Variants in PPP1R42 observed in about 807,000 individuals in gnomAD.
PPP1R42 encodes the protein protein phosphatase 1 regulatory subunit 42, also known as leucine rich repeat containing 67.
A neutral mutation model predicts 31.0 loss-of-function variants in PPP1R42; 34 were observed. The observed-to-expected ratio is 1.10, with a 90% CI of 0.83 to 1.46. The LOEUF is 1.46. PPP1R42 is among the 40% of genes most tolerant of loss of function. The pLI, the probability that PPP1R42 is intolerant of heterozygous loss-of-function variation, is 0.00. For missense variants in PPP1R42, 268 were observed against 303.0 expected (o/e 0.88, Z 0.86); for synonymous variants, 103 against 109.8 (o/e 0.94, Z 0.39).
chr8:66,985,910 G>A (rs778765161), intron 6 of PPP1R42: 8 of 894,954 alleles, frequency 8.9e-6, no homozygotes, highest in Non-Finnish European at 1.3e-5. Context: ...CTTTACTCCT[G>A]ATGATTCCTT....
At position 66,991,417 on chromosome 8, in the gene PPP1R42, A is replaced by G. The variant is rs1815185847; in HGVS notation, c.553-2900T>C. Reference sequence around the variant, plus strand: ...AGGTACAGGAAAAACATGCAAAGACATGTTAACCAAAAGTAAATGTCATTT... The same window carrying G: ...AGGTACAGGAAAAACATGCAAAGACGTGTTAACCAAAAGTAAATGTCATTT... On this transcript the variant is annotated intron_variant, in intron 5 of 7. Coordinates refer to ENST00000685739, the MANE Select transcript of PPP1R42 (RefSeq NM_001364910.1). Among the ~76,000 whole-genome samples, 4 of 152,348 alleles carry G rather than the reference A, an allele frequency of 2.6e-5. No individual in the cohort carries two copies. In the South Asian group the frequency reaches 8.3e-4, roughly 32 times the overall value.
intron 5 of PPP1R42, among the ~76,000 whole-genome samples, chr8:66,999,094 C>T (rs1815411881): frequency 6.6e-6 from 1 of 152,038 alleles, no homozygotes; most frequent in Non-Finnish European, 1.5e-5. Context: ...TACTTTGTTC[C>T]CCCGGCCAGC....
chr8:67,010,916 T>G, intron 4 of PPP1R42, 85 bp from the exon 5 acceptor site: 5 of 1,307,662 alleles, frequency 3.8e-6, no homozygotes, highest in Non-Finnish European at 5.1e-6. Context: ...TTGAAAAGTT[T>G]AAGCTTGATC....
At chr8:66,984,935 C>T in intron 6 of PPP1R42, 1 of 1,527,248 alleles carries the variant, frequency 6.5e-7, no homozygotes, top group South Asian at 1.1e-5. Flanking sequence ...ACTGGTGTGT[C>T]ATTGTCAACT....
intron 7 of PPP1R42, among the ~76,000 whole-genome samples, chr8:66,974,186 C>T (rs1041254475): frequency 1.3e-5 from 2 of 152,162 alleles, no homozygotes; most frequent in African/African-American, 4.8e-5. Context: ...GTGGCTGCAC[C>T]ATTTTACATT....
At chr8:66,971,453 A>G (rs781321950) in intron 7 of PPP1R42, among the ~76,000 whole-genome samples, 16 of 152,158 alleles carry the variant, frequency 1.1e-4, no homozygotes, top group Non-Finnish European at 1.9e-4. Flanking sequence ...TAGGGAGTAA[A>G]TTAATCGTGT....
In PPP1R42 at chr8:66,964,157, A is replaced by G. The variant is rs995520583; in HGVS notation, c.*164T>C. The G allele has an allele frequency of 6.6e-6, 3 of 452,214 alleles. No homozygotes were observed. Among genetic ancestry groups the G allele is most frequent in the African/African-American group, 6.1e-5 (3 of 48,938 alleles). The allele number at this position is 452,214 out of a possible 1,614,324, so 28.0% of individuals were successfully genotyped here. ...CCATAAAGCTACAAACCCACAAAAG[A>G]TATTGTTGCCTAGTCATATAAGGTT... On this transcript the variant is annotated 3_prime_UTR_variant, in exon 8 of 8. Coordinates refer to ENST00000685739, the MANE Select transcript of PPP1R42 (RefSeq NM_001364910.1).
chr8:66,983,457 TTTC>T, intron 6 of PPP1R42, among the ~76,000 whole-genome samples: 1 of 152,260 alleles, frequency 6.6e-6, no homozygotes, highest in Middle Eastern at 3.5e-3. Context: ...GGATGGTTTT[TTTC>T]TTCAAAATTT....
At chr8:66,991,807 T>A (rs1052987493) in intron 5 of PPP1R42, among the ~76,000 whole-genome samples, 3 of 152,218 alleles carry the variant, frequency 2.0e-5, no homozygotes, top group Non-Finnish European at 4.4e-5. Flanking sequence ...TCTTGAAGAC[T>A]GATCCGGACT....
chr8:66,976,542 A>G (rs1376853981), intron 7 of PPP1R42, among the ~76,000 whole-genome samples: 1 of 149,384 alleles, frequency 6.7e-6, no homozygotes, highest in Non-Finnish European at 1.5e-5. Flanking sequence ...CCCTTGCCTT[A>G]TTCCCTCTGG....
intron 7 of PPP1R42, chr8:66,968,537 C>T (rs1022183039): frequency 1.1e-6 from 1 of 933,018 alleles, no homozygotes; most frequent in South Asian, 4.9e-5. Context: ...GTAATTAAGG[C>T]AAGGGGTAGC....
chr8:66,998,493 G>A (rs1050996865), intron 5 of PPP1R42, among the ~76,000 whole-genome samples: 2 of 152,148 alleles, frequency 1.3e-5, no homozygotes, highest in African/African-American at 4.8e-5. Context: ...CACATAGTCT[G>A]CAAATAAAGA....
At chr8:66,988,304 A>G (rs1815087428) in intron 6 of PPP1R42, 96 bp downstream of exon 6, 11 of 1,278,814 alleles carry the variant, frequency 8.6e-6, no homozygotes, top group African/African-American at 1.5e-5. Context: ...ACAGATCCAG[A>G]TGTCAGATTT....
At chr8:67,020,099 GA>G (rs1259970307) in intron 1 of PPP1R42, among the ~76,000 whole-genome samples, 1 of 152,112 alleles carries the variant, frequency 6.6e-6, no homozygotes, top group Non-Finnish European at 1.5e-5. Context: ...CAAAATACTT[GA>G]AAATGAAGCT....
chr8:66,989,682 A>G (rs565503914), intron 5 of PPP1R42, among the ~76,000 whole-genome samples: 87 of 152,354 alleles, frequency 5.7e-4, no homozygotes, highest in African/African-American at 1.9e-3. Context: ...CTTTGGATAT[A>G]TACCCTAAAT....
At chr8:67,023,126 A>T (rs60865467) in intron 1 of PPP1R42, among the ~76,000 whole-genome samples, 4 of 150,772 alleles carry the variant, frequency 2.7e-5, no homozygotes, top group African/African-American at 4.9e-5. Context: ...TTGTTTTTTC[A>T]TTTGTTTGTT....
chr8:66,985,660 G>T, intron 6 of PPP1R42: 1 of 1,337,514 alleles, frequency 7.5e-7, no homozygotes. Flanking sequence ...GGCACCCTGG[G>T]AGGGCTGAAT....
intron 1 of PPP1R42, among the ~76,000 whole-genome samples, chr8:67,026,693 AT>A (rs1464374189): frequency 6.6e-6 from 1 of 151,930 alleles, no homozygotes; most frequent in Non-Finnish European, 1.5e-5. Context: ...TGAGCCGGGC[AT>A]GGTGGTACAC....
At chr8:66,984,111 G>A in intron 6 of PPP1R42, 2 of 1,576,594 alleles carry the variant, frequency 1.3e-6, no homozygotes, top group Non-Finnish European at 1.7e-6. Context: ...CAAGAGGGGA[G>A]AGGCAAGGGC....
Sources: allele counts gnomAD v4.1 joint callset (sites outside exome capture counted in the v4.1 genomes callset), GRCh38; gene constraint gnomAD v4.1.1; transcripts MANE v1.5; gene names NCBI Gene and HGNC (gene_info 2026-07-23, HGNC 2026-07-21).